The following MPP7 variants were observed in gnomAD, a reference collection of about 807,000 sequenced individuals.
MPP7 encodes the protein MAGUK p55 subfamily member 7.
A neutral mutation model predicts 76.5 loss-of-function variants in MPP7; 60 were observed. The observed-to-expected ratio is 0.78, with a 90% CI of 0.64 to 0.97. MPP7 has a LOEUF of 0.97. Ranked by LOEUF, MPP7 falls within the 50% of genes least tolerant of loss-of-function variation. The pLI, the probability that MPP7 is intolerant of heterozygous loss-of-function variation, is 0.00. For synonymous variants in MPP7, 237 were observed against 244.5 expected, an observed-to-expected ratio of 0.97 and a Z score of 0.29; for missense variants, 641 against 694.0, an observed-to-expected ratio of 0.92 and a Z score of 0.86.
chr10:28,102,048 C>G (rs1188692142), intron 11 of MPP7, among the ~76,000 whole-genome samples: 1 of 151,648 alleles, frequency 6.6e-6, no homozygotes, highest in East Asian at 2.0e-4. Flanking sequence ...ACAGGCAGCC[C>G]TTGACTTGCG....
intron 3 of MPP7, among the ~76,000 whole-genome samples, chr10:28,164,668 A>AT (rs71391014): frequency 0.16 from 24,272 of 151,164 alleles, 2,249 homozygotes; most frequent in East Asian, 0.37. Flanking sequence ...ACATTATGAG[A>AT]TTTTTTTTTT....
intron 2 of MPP7, among the ~76,000 whole-genome samples, chr10:28,325,928 A>T (rs1834408614): frequency 6.7e-6 from 1 of 148,968 alleles, no homozygotes; most frequent in South Asian, 2.1e-4. Context: ...GTGAGCTATG[A>T]TCGTACCACT....
chr10:28,327,227 GAAGTA>G (rs1834425031), intron 2 of MPP7, among the ~76,000 whole-genome samples: 1 of 38,076 alleles, frequency 2.6e-5, no homozygotes, highest in African/African-American at 1.0e-4. Flanking sequence ...ACTTGTCAAA[GAAGTA>G]AAAAAAAAAA....
chr10:28,325,691 CCCATGTTGG>C (rs1834405691), intron 2 of MPP7, among the ~76,000 whole-genome samples: 1 of 151,706 alleles, frequency 6.6e-6, no homozygotes, highest in Non-Finnish European at 1.5e-5. Flanking sequence ...AGGGGGTTTT[CCCATGTTGG>C]CCACACTGGT....
At chr10:28,263,350 A>G (rs962992222) in intron 1 of MPP7, among the ~76,000 whole-genome samples, 1 of 146,448 alleles carries the variant, frequency 6.8e-6, no homozygotes, top group East Asian at 2.7e-4. Flanking sequence ...CTGTGTTTGC[A>G]TAGTTCTGCA....
intron 3 of MPP7, among the ~76,000 whole-genome samples, chr10:28,193,994 G>A (rs1202929630): frequency 6.6e-6 from 1 of 151,976 alleles, no homozygotes; most frequent in Non-Finnish European, 1.5e-5. Context: ...AAGACAATAT[G>A]GCAGCTTCTT....
At chr10:28,082,723 C>A (rs1465735679) in intron 12 of MPP7, among the ~76,000 whole-genome samples, 3 of 152,150 alleles carry the variant, frequency 2.0e-5, no homozygotes, top group Non-Finnish European at 4.4e-5. Flanking sequence ...CCTGCCTCAG[C>A]CTCCCTCAGC....
intron 3 of MPP7, among the ~76,000 whole-genome samples, chr10:28,195,715 T>C (rs1355148259): frequency 1.3e-5 from 2 of 152,122 alleles, no homozygotes; most frequent in Non-Finnish European, 2.9e-5. Context: ...CTGGCAGTTG[T>C]TTAGGGATGG....
At chr10:28,059,606 T>C (rs1421099404) in intron 14 of MPP7, 44 bp downstream of exon 14, 4 of 1,315,086 alleles carry the variant, frequency 3.0e-6, no homozygotes, top group Non-Finnish European at 4.4e-6. Flanking sequence ...GGCATGTGCT[T>C]ATAAAAAACA....
chr10:28,228,530 C>T (rs1838772249), intron 2 of MPP7, among the ~76,000 whole-genome samples: 1 of 152,114 alleles, frequency 6.6e-6, no homozygotes, highest in African/African-American at 2.4e-5. Context: ...CTTTGGGAGG[C>T]CAAGGTGGGC....
chr10:28,235,497 A>G (rs1170481355), intron 2 of MPP7, among the ~76,000 whole-genome samples: 1 of 152,174 alleles, frequency 6.6e-6, no homozygotes, highest in Non-Finnish European at 1.5e-5. Flanking sequence ...CTGGATTATG[A>G]TAGAGGGGAT....
chr10:28,094,696 T>C (rs892299137), intron 11 of MPP7, among the ~76,000 whole-genome samples: 6 of 152,172 alleles, frequency 3.9e-5, no homozygotes, highest in South Asian at 2.1e-4. Context: ...AATTGACTAA[T>C]AGTATAAAAC....
chr10:28,064,970 T>A (rs748587856), intron 13 of MPP7, among the ~76,000 whole-genome samples: 6 of 152,150 alleles, frequency 3.9e-5, no homozygotes, highest in Non-Finnish European at 8.8e-5. Context: ...TCCAAAAACA[T>A]GAGATATATT....
chr10:28,089,752 T>C lies in MPP7; in HGVS notation c.1042A>G (p.Thr348Ala). ...YECKKSDQYD[T>A]ADVPTYEEVT... ...TCTTCGTATGTGGGTACGTCAGCTG[T>C]GTCGTACTGATCACTCTTCTTGCAT... is the stretch of plus-strand genomic sequence containing the variant. Residue 348 changes from threonine (T) to alanine (A), a missense_variant, in exon 12 of 17, where the codon ACA becomes GCA. Transcript: ENST00000683449. 6.2e-7 allele frequency: 1 copy of C among 1,613,430 alleles called. No individual in the cohort carries two copies. Among genetic ancestry groups the C allele is most frequent in the Non-Finnish European group, 8.5e-7 (1 of 1,179,404 alleles).
intron 1 of MPP7, among the ~76,000 whole-genome samples, chr10:28,285,996 G>A (rs115576977): frequency 1.3e-5 from 2 of 152,126 alleles, no homozygotes; most frequent in Non-Finnish European, 2.9e-5. Flanking sequence ...CTTATTTATT[G>A]TGTAAGACAA....
At chr10:28,296,785 GT>G (rs953960905) in intron 1 of MPP7, among the ~76,000 whole-genome samples, 1 of 152,100 alleles carries the variant, frequency 6.6e-6, no homozygotes, top group Non-Finnish European at 1.5e-5. Context: ...AACATCTTGG[GT>G]TTTTTTGTTT....
At chr10:28,079,067 AT>A (rs1321387871) in intron 12 of MPP7, among the ~76,000 whole-genome samples, 8 of 152,184 alleles carry the variant, frequency 5.3e-5, no homozygotes. Flanking sequence ...TGATCTTGAA[AT>A]TGGTTGACAT....
At chr10:28,084,320 T>C (rs772262894) in intron 12 of MPP7, among the ~76,000 whole-genome samples, 3 of 152,180 alleles carry the variant, frequency 2.0e-5, no homozygotes, top group Middle Eastern at 3.2e-3. Context: ...ACTGAACCCA[T>C]TCAAACAGAG....
intron 11 of MPP7, 54 bp downstream of exon 11, chr10:28,119,597 G>C (rs1487221477): frequency 4.7e-6 from 7 of 1,483,314 alleles, no homozygotes; most frequent in South Asian, 4.5e-5. Flanking sequence ...TGCTTTAATA[G>C]TCAAAAATAA....
Sources: gnomAD v4.1 joint callset for allele counts (sites outside exome capture counted in the v4.1 genomes callset) on GRCh38, gnomAD v4.1.1 for gene constraint, MANE v1.5 for transcripts, NCBI Gene and HGNC (gene_info 2026-07-23, HGNC 2026-07-21) for gene names.